PNKD: variants seen among roughly 807,000 people sequenced by gnomAD.
PNKD encodes probable thioesterase PNKD.
PNKD carries 36 observed loss-of-function variants against 45.3 expected under a neutral mutation model. The ratio of observed to expected loss-of-function variants is 0.80; its 90% CI spans 0.61 to 1.05. The LOEUF (loss-of-function observed/expected upper bound fraction) is 1.05. PNKD is among the 50% of genes least tolerant of loss of function. PNKD has a pLI of 0.00. For missense variants in PNKD, 511 were observed against 506.6 expected (o/e 1.01, Z -0.08); for synonymous variants, 197 against 210.1 (o/e 0.94, Z 0.54).
intron 2 of PNKD, among the ~76,000 whole-genome samples, chr2:218,321,896 G>A (rs1337913281): frequency 6.7e-6 from 1 of 149,798 alleles, no homozygotes; most frequent in African/African-American, 2.5e-5. Context: ...AAAGTGCTGG[G>A]ATTAAGCGTG....
chr2:218,271,599 G>A (rs749802277), intron 2 of PNKD, 50 bp downstream of exon 2: 30 of 1,546,030 alleles, frequency 1.9e-5, no homozygotes, highest in Non-Finnish European at 2.7e-5. Flanking sequence ...GCTTGTAGGG[G>A]AGGGCAGGAC....
chr2:218,345,091 C>G lies in PNKD; in HGVS notation c.*110C>G. ...ACCACCACCTCCATCGGCACCCAAG[C>G]GGGCATCATCCCCCCACACTGCTCA... On this transcript the variant is annotated 3_prime_UTR_variant, in exon 10 of 10. Transcript: ENST00000273077. The G allele has an allele frequency of 2.4e-6, 2 of 817,098 alleles. 1 individual carries two copies. 50.6% of individuals were successfully genotyped at this position (817,098 alleles called of 1,614,324 possible).
chr2:218,343,620 G>T, intron 8 of PNKD, 34 bp downstream of exon 8: 1 of 1,520,358 alleles, frequency 6.6e-7, no homozygotes, highest in Non-Finnish European at 9.0e-7. Flanking sequence ...CCATCCTCCA[G>T]CCCCACGCTC....
At chr2:218,315,341 C>T (rs183175892) in intron 2 of PNKD, among the ~76,000 whole-genome samples, 1 of 151,778 alleles carries the variant, frequency 6.6e-6, no homozygotes, top group East Asian at 1.9e-4. Flanking sequence ...GGGGTTTCAC[C>T]ATGTTGGCCA....
intron 2 of PNKD, chr2:218,274,593 T>C (rs1405157816): frequency 6.4e-6 from 1 of 155,298 alleles, no homozygotes; most frequent in Non-Finnish European, 1.5e-5. Context: ...GCACCGAGTC[T>C]CTCTTCACCC....
At chr2:218,308,377 CG>C (rs1693482663) in intron 2 of PNKD, among the ~76,000 whole-genome samples, 1 of 151,510 alleles carries the variant, frequency 6.6e-6, no homozygotes. Flanking sequence ...TTAGTAGAGA[CG>C]GGGTTTCACC....
At chr2:218,317,061 A>T (rs1025871313) in intron 2 of PNKD, among the ~76,000 whole-genome samples, 1 of 152,150 alleles carries the variant, frequency 6.6e-6, no homozygotes, top group African/African-American at 2.4e-5. Context: ...GTCCATGTGT[A>T]CTGGGGATGG....
intron 2 of PNKD, among the ~76,000 whole-genome samples, chr2:218,293,553 G>C (rs890826612): frequency 6.7e-6 from 1 of 148,376 alleles, no homozygotes; most frequent in Non-Finnish European, 1.5e-5. Flanking sequence ...ATAGCTATAG[G>C]TCAGCACCAC....
chr2:218,340,888 C>G lies in PNKD; in HGVS notation c.524+102C>G, dbSNP rs369221098. On this transcript the variant is annotated intron_variant, in intron 5 of 9. Transcript: ENST00000273077. The surrounding 1 kb of genome is among the most constrained non-coding windows in gnomAD (Gnocchi z 4.2). ...GGGGCCAGAGATCAAGAAGTCAGTA[C>G]GGGCCGGCACCCGCCTTCCTCGTGA... 8.4e-6 allele frequency: 8 copies of G among 952,916 alleles called. No individual in the cohort carries two copies. Among genetic ancestry groups the G allele is most frequent in the South Asian group, 2.6e-5 (2 of 77,606 alleles). The allele number at this position is 952,916 out of a possible 1,614,324, so 59.0% of individuals were successfully genotyped here.
rs145045140 is a variant in PNKD at position 218,318,654 on chromosome 2, C to A, written c.237-21129C>A. 2.6e-5 allele frequency among the ~76,000 whole-genome samples: 4 copies of A among 152,320 alleles called. No homozygotes were observed. The East Asian group carries it at 7.7e-4, about 29-fold the overall frequency. ...CATTCAGCAGATACTTAACTGAACA[C>A]CTGCTCTGGGCCAGGTATTATTCAC... On this transcript the variant is annotated intron_variant, in intron 2 of 9. Transcript: ENST00000273077.
At chr2:218,303,823 C>G (rs1693337257) in intron 2 of PNKD, among the ~76,000 whole-genome samples, 1 of 152,042 alleles carries the variant, frequency 6.6e-6, no homozygotes, top group African/African-American at 2.4e-5. Flanking sequence ...ATCCACCTGC[C>G]TCAGCCTCCC....
intron 2 of PNKD, 125 bp downstream of exon 2, chr2:218,271,674 G>T: frequency 1.2e-6 from 1 of 814,722 alleles, no homozygotes; most frequent in Non-Finnish European, 2.0e-6. Context: ...GAATTGTTGG[G>T]TTCGATTGGA....
chr2:218,324,246 C>T (rs1172873994), intron 2 of PNKD, among the ~76,000 whole-genome samples: 1 of 152,228 alleles, frequency 6.6e-6, no homozygotes, highest in Non-Finnish European at 1.5e-5. Flanking sequence ...TACTACCAGC[C>T]TGGCCATGGG....
chr2:218,335,557 A>G (rs1034628243), intron 2 of PNKD, among the ~76,000 whole-genome samples: 7 of 151,914 alleles, frequency 4.6e-5, no homozygotes, highest in African/African-American at 1.7e-4. Context: ...TGCCTTGCTC[A>G]GTGTGTGTTC....
At position 218,292,851 on chromosome 2, in the gene PNKD, G is replaced by T. The variant is rs201211684; in HGVS notation, c.236+21302G>T. 7.9e-5 allele frequency among the ~76,000 whole-genome samples: 12 copies of T among 152,242 alleles called. No individual in the cohort carries two copies. In the East Asian group the frequency reaches 2.3e-3, roughly 29 times the overall value. On this transcript the variant is annotated intron_variant, in intron 2 of 9. Transcript: ENST00000273077. ...TATGTATTTTGTTTTTCTACAGTGG[G>T]GTATATTGTATGGTGTTTTGTTTAC...
At position 218,279,544 on chromosome 2, in the gene PNKD, C is replaced by T. The variant is rs1010085718; in HGVS notation, c.236+7995C>T. 4 of 543,254 alleles carry T rather than the reference C, an allele frequency of 7.4e-6. No homozygotes were observed. In the African/African-American group the frequency reaches 7.6e-5, roughly 10 times the overall value. 33.7% of individuals were successfully genotyped at this position (543,254 alleles called of 1,614,324 possible). A position where few individuals can be genotyped will look rare whatever the true frequency, so the allele number is the denominator to read the frequency against. On this transcript the variant is annotated intron_variant, in intron 2 of 9. Transcript: ENST00000273077. ...TTCCTCAGCCCCGCTCCCATGCTCCCTGCCATCTCCCCTCCTGTCCAACAC... is the reference window on the plus strand; with the variant it reads ...TTCCTCAGCCCCGCTCCCATGCTCCTTGCCATCTCCCCTCCTGTCCAACAC...
In PNKD at chr2:218,344,969, CA is replaced by C. The variant is rs1574724140; in HGVS notation, c.1148del (p.Lys383ArgfsTer57). 1.2e-6 allele frequency: 2 copies of C among 1,613,188 alleles called. No homozygotes were observed. Among genetic ancestry groups the C allele is most frequent in the East Asian group, 4.5e-5 (2 of 44,874 alleles). On this transcript the variant is annotated frameshift_variant, in exon 10 of 10. Coordinates refer to ENST00000273077, the MANE Select transcript of PNKD (RefSeq NM_015488.5). LOFTEE classifies it high-confidence loss of function. The part of the protein sequence containing the change: ...EELRRLKDMH[K>X]SK ...AGCTCCGCCGGCTGAAGGATATGCACAAGAGCAAGTGATGCCCCCAGCGCCC... is the reference window on the plus strand; with the variant it reads ...AGCTCCGCCGGCTGAAGGATATGCACAGAGCAAGTGATGCCCCCAGCGCCC...
intron 2 of PNKD, chr2:218,279,073 A>T (rs1691574435): frequency 6.2e-7 from 1 of 1,613,992 alleles, no homozygotes; most frequent in African/African-American, 1.3e-5. Context: ...TTCTCCTCAC[A>T]AAGGCGCTGA....
chr2:218,277,039 C>G (rs991195166), intron 2 of PNKD: 1 of 1,614,146 alleles, frequency 6.2e-7, no homozygotes, highest in African/African-American at 1.3e-5. Flanking sequence ...GTGACAATCC[C>G]AGTCACCAGG....
Sources: allele counts gnomAD v4.1 joint callset (sites outside exome capture counted in the v4.1 genomes callset), GRCh38; gene constraint gnomAD v4.1.1; non-coding constraint Gnocchi (gnomAD v3.1); transcripts MANE v1.5; gene names NCBI Gene and HGNC (gene_info 2026-07-23, HGNC 2026-07-21).